Variants in CTTN observed in about 807,000 individuals in gnomAD.
The protein encoded by CTTN is src substrate cortactin.
In CTTN, 28 loss-of-function variants were observed where a neutral mutation model predicts 84.0. The ratio of observed to expected loss-of-function variants is 0.33; its 90% CI spans 0.25 to 0.46. The LOEUF (loss-of-function observed/expected upper bound fraction) is 0.46. Among genes scored for constraint, CTTN ranks in the 20% least tolerant of loss-of-function variants. The pLI is 1.00. For synonymous variants in CTTN, 301 were observed against 288.8 expected (o/e 1.04, Z -0.43); for missense variants, 641 against 723.8 (o/e 0.89, Z 1.31).
Position 70,436,078 on chromosome 11 carries a change from G to T in CTTN, c.*916G>T. ...TCTCGGCCTTGGGAAGGAAGGCAGT[G>T]CCTGCTCTGCTGTGAGCCGCCAGGA... On this transcript the variant is annotated 3_prime_UTR_variant, in exon 18 of 18. Transcript: ENST00000301843. The T allele has an allele frequency of 7.0e-7, 1 of 1,425,914 alleles. No homozygotes were observed. Among genetic ancestry groups the T allele is most frequent in the Non-Finnish European group, 9.1e-7 (1 of 1,095,944 alleles). The allele number at this position is 1,425,914 out of a possible 1,614,324, so 88.3% of individuals were successfully genotyped here.
rs371318858 is a variant in CTTN, at chr11:70,407,603, C to T, written c.161+12C>T. On this transcript the variant is annotated intron_variant, in intron 4 of 17. Coordinates refer to ENST00000301843, the MANE Select transcript of CTTN (RefSeq NM_005231.4). ...CAGGAGCATATCAAGTAAGAGGCGT[C>T]GCCACCACCCTCCCGAGGGCCCCTC... 7.3e-5 allele frequency: 118 copies of T among 1,612,280 alleles called. 1 individual carries two copies. The Middle Eastern group carries it at 9.1e-4, about 12-fold the overall frequency.
chr11:70,429,839 A>G (rs1437059886), intron 14 of CTTN, among the ~76,000 whole-genome samples: 1 of 152,096 alleles, frequency 6.6e-6, no homozygotes, highest in Non-Finnish European at 1.5e-5. Flanking sequence ...GGGGTTGTGA[A>G]TAGAGCCTGA....
At chr11:70,402,143 ACTGT>A (rs924501932) in intron 1 of CTTN, among the ~76,000 whole-genome samples, 1 of 152,212 alleles carries the variant, frequency 6.6e-6, no homozygotes, top group Admixed American at 6.5e-5. Flanking sequence ...ACAGAGCAAG[ACTGT>A]CTGAAAAAGA....
chr11:70,400,174 C>A (rs1007872514), intron 1 of CTTN, among the ~76,000 whole-genome samples: 1 of 152,178 alleles, frequency 6.6e-6, no homozygotes, highest in Non-Finnish European at 1.5e-5. Flanking sequence ...AAAGAAATTT[C>A]TTTTGACCTG....
chr11:70,422,202 G>A (rs1355796688), intron 11 of CTTN: 3 of 344,566 alleles, frequency 8.7e-6, no homozygotes, highest in Admixed American at 7.6e-5. Context: ...GAGCAGTTAT[G>A]TTGTTACCTT....
chr11:70,426,422 A>G (rs1007343505), intron 13 of CTTN, among the ~76,000 whole-genome samples: 8 of 151,938 alleles, frequency 5.3e-5, no homozygotes, highest in Admixed American at 2.6e-4. Context: ...AAAAAAAAAA[A>G]AAAAGAGAGA....
Position 70,436,035 on chromosome 11 carries a change from C to A in CTTN, c.*873C>A. ...CGGGCAGCCTGGGGCGGTGTGTGTG[C>A]CATGTCACAGCATGGCCTCTCGGCC... On this transcript the variant is annotated 3_prime_UTR_variant, in exon 18 of 18. Transcript: ENST00000301843. 7.0e-7 allele frequency: 1 copy of A among 1,423,326 alleles called. No homozygotes were observed. Among genetic ancestry groups the A allele is most frequent in the South Asian group, 1.5e-5 (1 of 65,352 alleles). The allele number at this position is 1,423,326 out of a possible 1,614,324, so 88.2% of individuals were successfully genotyped here.
At chr11:70,408,324 T>C (rs901614674) in intron 4 of CTTN, 1 of 152,220 alleles carries the variant, frequency 6.6e-6, no homozygotes, top group Non-Finnish European at 1.5e-5. Flanking sequence ...TGAGAAAGAT[T>C]TAGTCCTTCC....
rs1362950739 is a variant in CTTN, at chr11:70,435,442, G to A, written c.*280G>A. ...ATTGATGGTTTTTTTTTTCTTTTTT[G>A]CCAAATTGACTGTCACGCGGCAGCT... On this transcript the variant is annotated 3_prime_UTR_variant, in exon 18 of 18. Coordinates refer to ENST00000301843, the MANE Select transcript of CTTN (RefSeq NM_005231.4). 14 of 1,490,064 alleles carry A rather than the reference G, an allele frequency of 9.4e-6. No individual in the cohort carries two copies. Among genetic ancestry groups the A allele is most frequent in the Non-Finnish European group, 1.2e-5 (14 of 1,133,564 alleles). 92.3% of individuals were successfully genotyped at this position (1,490,064 alleles called of 1,614,324 possible). A position where few individuals can be genotyped will look rare whatever the true frequency, so the allele number is the denominator to read the frequency against.
chr11:70,407,416 C>G, intron 3 of CTTN, 32 bp downstream of exon 3: 2 of 1,611,906 alleles, frequency 1.2e-6, no homozygotes, highest in South Asian at 2.2e-5. Flanking sequence ...TTTCCTCTTT[C>G]ATGAAGTGGA....
At chr11:70,416,342 C>T in intron 7 of CTTN, 1 of 153,098 alleles carries the variant, frequency 6.5e-6, no homozygotes, top group Non-Finnish European at 1.5e-5. Flanking sequence ...GTGGTGTGGG[C>T]AGGCGGAGGA....
chr11:70,429,497 G>A (rs1591450251), intron 14 of CTTN, among the ~76,000 whole-genome samples: 1 of 152,174 alleles, frequency 6.6e-6, no homozygotes, highest in African/African-American at 2.4e-5. Flanking sequence ...GCAGAGTCTT[G>A]TCGGCTTCCA....
At chr11:70,407,632 G>A (rs776240454) in intron 4 of CTTN, 41 bp downstream of exon 4, 21 of 1,590,162 alleles carry the variant, frequency 1.3e-5, no homozygotes, top group Admixed American at 5.0e-5. Flanking sequence ...GCCCCTCTGC[G>A]GATGGAGCCC....
chr11:70,436,468 A>G lies in CTTN; in HGVS notation c.*1306A>G. 6 of 1,496,328 alleles carry G rather than the reference A, an allele frequency of 4.0e-6. No homozygotes were observed. The highest frequency in any genetic ancestry group is 3.4e-4 in the Middle Eastern group (2 of 5,812). 92.7% of individuals were successfully genotyped at this position (1,496,328 alleles called of 1,614,324 possible). A position where few individuals can be genotyped will look rare whatever the true frequency, so the allele number is the denominator to read the frequency against. ...CATCCTTGCTTTACCACAATGAGCA[A>G]TGAGGTCGGGTTTTATATGCAACTT... On this transcript the variant is annotated 3_prime_UTR_variant, in exon 18 of 18. Coordinates refer to ENST00000301843, the MANE Select transcript of CTTN (RefSeq NM_005231.4).
chr11:70,423,194 G>A (rs1384122438), intron 12 of CTTN, among the ~76,000 whole-genome samples, 199 bp downstream of exon 12: 5 of 152,136 alleles, frequency 3.3e-5, no homozygotes, highest in Admixed American at 1.3e-4. Context: ...CGCTGGCACC[G>A]GCCCACCTCC....
At chr11:70,419,302 GTT>G (rs2058201368) in intron 8 of CTTN, among the ~76,000 whole-genome samples, 1 of 151,784 alleles carries the variant, frequency 6.6e-6, no homozygotes. Context: ...TAGAGATGGG[GTT>G]TCATAATGTT....
At chr11:70,424,920 C>G (rs1282556636) in intron 12 of CTTN, among the ~76,000 whole-genome samples, 2 of 152,112 alleles carry the variant, frequency 1.3e-5, no homozygotes, top group Admixed American at 6.5e-5. Context: ...AGTTGAGTCC[C>G]CTGCAATGCA....
At chr11:70,403,244 A>G (rs1287020711) in intron 1 of CTTN, among the ~76,000 whole-genome samples, 1 of 130,612 alleles carries the variant, frequency 7.7e-6, no homozygotes, top group African/African-American at 3.0e-5. Flanking sequence ...GCTGCAGTAT[A>G]GTGGCGCAAT....
chr11:70,427,676 C>T (rs2058314653), intron 13 of CTTN, among the ~76,000 whole-genome samples: 1 of 152,272 alleles, frequency 6.6e-6, no homozygotes, highest in Non-Finnish European at 1.5e-5. Flanking sequence ...TCGCTACCCA[C>T]TGTGCTTGGG....
Sources: allele counts gnomAD v4.1 joint callset (sites outside exome capture counted in the v4.1 genomes callset), GRCh38; gene constraint gnomAD v4.1.1; transcripts MANE v1.5; gene names NCBI Gene and HGNC (gene_info 2026-07-23, HGNC 2026-07-21).